Variants in CNTN5 observed in about 807,000 individuals in gnomAD.
CNTN5 encodes the protein contactin 5.
Under a neutral mutation model 129.1 loss-of-function variants are expected in CNTN5, and 77 were observed. The observed-to-expected ratio is 0.60, with a 90% CI of 0.50 to 0.72. The LOEUF (loss-of-function observed/expected upper bound fraction) is 0.72, where lower values mean the gene tolerates loss of function less well. Among genes scored for constraint, CNTN5 ranks in the 30% least tolerant of loss-of-function variants. The pLI is 0.00. For missense variants in CNTN5, 1,478 were observed against 1,328.8 expected, an observed-to-expected ratio of 1.11 and a Z score of -1.75; for synonymous variants, 509 against 465.6, an observed-to-expected ratio of 1.09 and a Z score of -1.20.
At chr11:100,003,537 A>G (rs1478513914) in intron 9 of CNTN5, among the ~76,000 whole-genome samples, 2 of 152,158 alleles carry the variant, frequency 1.3e-5, no homozygotes, top group Admixed American at 6.6e-5. Context: ...AAGGCCACAA[A>G]CAAAGGGAGG....
At chr11:99,667,130 T>G (rs1952825349) in intron 3 of CNTN5, among the ~76,000 whole-genome samples, 1 of 152,058 alleles carries the variant, frequency 6.6e-6, no homozygotes, top group Non-Finnish European at 1.5e-5. Flanking sequence ...ATTTTATGGA[T>G]TTAACATATT....
chr11:99,262,930 G>T (rs992777287), intron 1 of CNTN5, among the ~76,000 whole-genome samples: 2 of 151,964 alleles, frequency 1.3e-5, no homozygotes, highest in Non-Finnish European at 2.9e-5. Flanking sequence ...TAATAAGAAA[G>T]GATGAAGGCT....
At chr11:100,087,660 C>T (rs1285483341) in intron 13 of CNTN5, among the ~76,000 whole-genome samples, 1 of 151,962 alleles carries the variant, frequency 6.6e-6, no homozygotes. Context: ...TGCAAAAAGA[C>T]TTAGCCACAC....
intron 3 of CNTN5, among the ~76,000 whole-genome samples, chr11:99,793,191 C>G (rs906079335): frequency 5.3e-5 from 8 of 152,134 alleles, no homozygotes; most frequent in African/African-American, 1.9e-4. Context: ...TCCCGAGTAG[C>G]TGGGGCTACA....
chr11:99,107,886 G>C (rs552442104), intron 1 of CNTN5, among the ~76,000 whole-genome samples: 52 of 142,586 alleles, frequency 3.6e-4, no homozygotes, highest in African/African-American at 1.3e-3. Context: ...AGCCAAGATC[G>C]CACCACTGCA....
At chr11:99,291,956 G>A (rs1237898291) in intron 1 of CNTN5, among the ~76,000 whole-genome samples, 4 of 152,044 alleles carry the variant, frequency 2.6e-5, no homozygotes, top group Admixed American at 6.6e-5. Flanking sequence ...CTGGATTGAT[G>A]CTACTGTTGC....
chr11:99,784,687 C>G (rs1428360790), intron 3 of CNTN5, among the ~76,000 whole-genome samples: 1 of 152,068 alleles, frequency 6.6e-6, no homozygotes, highest in Non-Finnish European at 1.5e-5. Flanking sequence ...TACACTCCCA[C>G]CAACAGTGTA....
intron 3 of CNTN5, among the ~76,000 whole-genome samples, chr11:99,574,948 A>AT (rs935822509): frequency 3.9e-5 from 6 of 152,114 alleles, no homozygotes; most frequent in African/African-American, 1.4e-4. Context: ...AAAATGGTAC[A>AT]TTTTTGGGAA....
At chr11:100,072,724 G>A (rs1261564046) in intron 12 of CNTN5, among the ~76,000 whole-genome samples, 1 of 152,076 alleles carries the variant, frequency 6.6e-6, no homozygotes, top group Non-Finnish European at 1.5e-5. Context: ...AAAGTGATTT[G>A]TTGAATTATG....
At chr11:100,042,295 T>G (rs1172691865) in intron 9 of CNTN5, among the ~76,000 whole-genome samples, 1 of 152,132 alleles carries the variant, frequency 6.6e-6, no homozygotes, top group African/African-American at 2.4e-5. Context: ...GCTTTTCTTA[T>G]GATAGCTTTT....
chr11:99,551,771 T>A (rs1210582101), intron 2 of CNTN5, among the ~76,000 whole-genome samples: 1 of 152,160 alleles, frequency 6.6e-6, no homozygotes, highest in Non-Finnish European at 1.5e-5. Context: ...TAAGTATTTG[T>A]GTATCTAAAC....
At chr11:99,432,495 C>CTTCTCTTTTCT (rs1943426753) in intron 2 of CNTN5, among the ~76,000 whole-genome samples, 1 of 78,042 alleles carries the variant, frequency 1.3e-5, no homozygotes, top group Non-Finnish European at 2.7e-5. Flanking sequence ...CTTTTCTTTT[C>CTTCTCTTTTCT]TTTCTTTTCT....
chr11:99,732,500 A>G (rs766232342), intron 3 of CNTN5, among the ~76,000 whole-genome samples: 101 of 152,198 alleles, frequency 6.6e-4, no homozygotes, highest in Non-Finnish European at 1.1e-3. Context: ...TTTAGAACAA[A>G]GACAGTGATC....
At position 99,555,702 on chromosome 11, in the gene CNTN5, A is replaced by G. The variant is rs569642262; in HGVS notation, c.-70-443A>G. The stretch of plus-strand genomic sequence containing the variant: ...TTCCCTGTGGTGGTTTTGATGAGCT[A>G]CAGGCACAATGTGTAAAATCACTTG... On this transcript the variant is annotated intron_variant, in intron 2 of 24. Coordinates refer to ENST00000524871, the MANE Select transcript of CNTN5 (RefSeq NM_014361.4). Among the ~76,000 whole-genome samples, 164 of 152,048 alleles carry G rather than the reference A, an allele frequency of 1.1e-3. 2 individuals are homozygous for G. Among genetic ancestry groups the G allele is most frequent in the African/African-American group, 3.7e-3 (154 of 41,554 alleles).
intron 2 of CNTN5, among the ~76,000 whole-genome samples, chr11:99,529,782 A>T (rs192011671): frequency 1.1e-3 from 174 of 152,312 alleles, no homozygotes; most frequent in African/African-American, 3.8e-3. Context: ...AAAAGAACAA[A>T]GAACAAGGTA....
rs7938403 is a variant in CNTN5, at chr11:99,992,874, G to A, written c.878-9160G>A. 3.5e-3 allele frequency among the ~76,000 whole-genome samples: 529 copies of A among 152,284 alleles called. 3 individuals carry two copies. The highest frequency in any genetic ancestry group is 0.012 in the African/African-American group (504 of 41,556). ...ATTTAAGGTCATCTTCTAATGGCAC[G>A]TAATTCTAAACTAGGGCAGCCACAT... On this transcript the variant is annotated intron_variant, in intron 8 of 24. Coordinates refer to ENST00000524871, the MANE Select transcript of CNTN5 (RefSeq NM_014361.4).
chr11:99,207,575 T>C (rs573678520), intron 1 of CNTN5, among the ~76,000 whole-genome samples: 3 of 152,300 alleles, frequency 2.0e-5, no homozygotes, highest in African/African-American at 7.2e-5. Flanking sequence ...TTTTTTTCCT[T>C]TGGTTTTAAC....
Position 100,174,285 on chromosome 11 carries a change from T to A in CNTN5, c.1581-16841T>A, listed in dbSNP as rs1056589381. ...TTATAAGAGAAAAAGGAAAGTAAATTAAAACTTTTGAGTTAGTAGCCTGAA... is the reference window on the plus strand; with the variant it reads ...TTATAAGAGAAAAAGGAAAGTAAATAAAAACTTTTGAGTTAGTAGCCTGAA... On this transcript the variant is annotated intron_variant, in intron 13 of 24. Transcript: ENST00000524871. Among the ~76,000 whole-genome samples, 9 of 152,062 alleles carry A rather than the reference T, an allele frequency of 5.9e-5. No homozygotes were observed. The South Asian group carries it at 1.9e-3, about 31-fold the overall frequency.
At chr11:99,614,578 C>G (rs1214705324) in intron 3 of CNTN5, among the ~76,000 whole-genome samples, 4 of 152,090 alleles carry the variant, frequency 2.6e-5, no homozygotes, top group Non-Finnish European at 4.4e-5. Context: ...GGAGTTAGAG[C>G]TGGGAGGTGG....
Sources: gnomAD v4.1 joint callset for allele counts (sites outside exome capture counted in the v4.1 genomes callset) on GRCh38, gnomAD v4.1.1 for gene constraint, MANE v1.5 for transcripts, NCBI Gene and HGNC (gene_info 2026-07-23, HGNC 2026-07-21) for gene names.